RP1L1: variants seen among roughly 807,000 people sequenced by gnomAD.
The protein encoded by RP1L1 is retinitis pigmentosa 1-like 1 protein.
Under a neutral mutation model 15.7 loss-of-function variants are expected in RP1L1, and 27 were observed. The observed-to-expected ratio is 1.72, with a 90% confidence interval of 1.27 to 2.38. RP1L1 has a LOEUF of 2.38. Ranked by LOEUF, RP1L1 falls within the 30% of genes most tolerant of loss-of-function variation. The pLI, the probability that RP1L1 is intolerant of heterozygous loss-of-function variation, is 0.00. For missense variants in RP1L1, 4,798 were observed against 3,075.9 expected, an observed-to-expected ratio of 1.56 and a Z score of -13.24; for synonymous variants, 1,813 against 1,276.7, an observed-to-expected ratio of 1.42 and a Z score of -8.96.
chr8:10,654,374 C>A (rs1409750283), intron 1 of RP1L1, among the ~76,000 whole-genome samples: 1 of 152,048 alleles, frequency 6.6e-6, no homozygotes, highest in African/African-American at 2.4e-5. Context: ...ACCTTCTATG[C>A]CCCTTCCTTA....
In RP1L1 at chr8:10,623,497, C is replaced by G. The variant is rs891264082; in HGVS notation, c.-19-277G>C. ...TGTTCCCACCACATGCCTTCAGAGT[C>G]ACCATGTCCCCAGAACCACCATGAA... is the stretch of plus-strand genomic sequence containing the variant. On this transcript the variant is annotated intron_variant, in intron 1 of 3. Coordinates refer to ENST00000382483, the MANE Select transcript of RP1L1 (RefSeq NM_178857.6). 2.4e-4 allele frequency among the ~76,000 whole-genome samples: 7 copies of G among 29,770 alleles called. No homozygotes were observed. In the South Asian group the frequency reaches 3.4e-3, roughly 15 times the overall value. 19.5% of individuals were successfully genotyped at this position (29,770 alleles called of 152,430 possible). A position where few individuals can be genotyped will look rare whatever the true frequency, so the allele number is the denominator to read the frequency against.
At position 10,611,627 on chromosome 8, in the gene RP1L1, T is replaced by C. The variant is rs2117202861; in HGVS notation, c.2471A>G (p.His824Arg). 1 of 1,612,802 alleles carries C rather than the reference T, an allele frequency of 6.2e-7. No individual in the cohort carries two copies. Among genetic ancestry groups the C allele is most frequent in the Non-Finnish European group, 8.5e-7 (1 of 1,179,796 alleles). The change falls in exon 4 of 4, where the codon CAC (histidine) becomes CGC (arginine). Residue 824 changes from histidine to arginine, a missense_variant. Physicochemically the swap from His to Arg is conservative, Grantham distance 29. Transcript: ENST00000382483. ...EQGAVGPHRS[H>R]CCSQPGTQPA... Reference sequence around the variant, plus strand: ...CTGCGTCCCAGGCTGTGAGCAGCAGTGGCTTCGGTGGGGGCCCACCGCCCC... The same window carrying C: ...CTGCGTCCCAGGCTGTGAGCAGCAGCGGCTTCGGTGGGGGCCCACCGCCCC...
chr8:10,653,177 A>G (rs1798587435), intron 1 of RP1L1, among the ~76,000 whole-genome samples: 1 of 152,248 alleles, frequency 6.6e-6, no homozygotes, highest in African/African-American at 2.4e-5. Flanking sequence ...GGGAGTTCAC[A>G]GGAAAGTAAC....
chr8:10,613,364 GGAAAA>G lies in RP1L1; in HGVS notation c.752-23_752-19del. On this transcript the variant is annotated intron_variant, in intron 3 of 3. Transcript: ENST00000382483. The stretch of plus-strand genomic sequence containing the variant: ...CCAGCTCCCTGGCACGCAGTGAAGA[GGAAAA>G]GAAAAGAAGAAAAGACTGTGAGCCA... 1 of 1,599,170 alleles carries G rather than the reference GGAAAA, an allele frequency of 6.3e-7. No individual in the cohort carries two copies. Among genetic ancestry groups the G allele is most frequent in the Non-Finnish European group, 8.5e-7 (1 of 1,179,882 alleles).
At chr8:10,624,399 A>G (rs552514200) in intron 1 of RP1L1, among the ~76,000 whole-genome samples, 26 of 152,348 alleles carry the variant, frequency 1.7e-4, no homozygotes, top group African/African-American at 3.8e-4. Context: ...CACATACACC[A>G]CAATATACAC....
intron 1 of RP1L1, among the ~76,000 whole-genome samples, chr8:10,636,455 C>T (rs1444415154): frequency 2.3e-4 from 35 of 152,120 alleles, no homozygotes; most frequent in Admixed American, 2.2e-3. Flanking sequence ...TCGCATCTGC[C>T]CTGTGGGGCT....
intron 1 of RP1L1, among the ~76,000 whole-genome samples, chr8:10,634,255 A>G (rs1222531320): frequency 6.6e-6 from 1 of 152,226 alleles, no homozygotes; most frequent in Admixed American, 6.5e-5. Context: ...TGTGCCTGTC[A>G]CCCTCTTCTG....
rs866381041 is a variant in RP1L1 at position 10,633,580 on chromosome 8, G to A, written c.-19-10360C>T. The stretch of plus-strand genomic sequence containing the variant: ...AGGCGCAGGGGAGGCCGGGGAAATC[G>A]CAAACCCACTCAGAGGAGCGCAGCG... On this transcript the variant is annotated intron_variant, in intron 1 of 3. Coordinates refer to ENST00000382483, the MANE Select transcript of RP1L1 (RefSeq NM_178857.6). 3.9e-5 allele frequency among the ~76,000 whole-genome samples: 6 copies of A among 152,192 alleles called. No individual in the cohort carries two copies. In the East Asian group the frequency reaches 7.8e-4, roughly 20 times the overall value.
intron 1 of RP1L1, among the ~76,000 whole-genome samples, chr8:10,627,219 G>T (rs1364713798): frequency 1.3e-5 from 2 of 152,046 alleles, no homozygotes; most frequent in Non-Finnish European, 1.5e-5. Context: ...GTAGTCAAAG[G>T]GTAGAAACAA....
intron 1 of RP1L1, among the ~76,000 whole-genome samples, chr8:10,633,639 T>A (rs1450526300): frequency 6.6e-6 from 1 of 151,972 alleles, no homozygotes; most frequent in Non-Finnish European, 1.5e-5. Flanking sequence ...TGCTGTTCTG[T>A]GGTCATCATT....
At chr8:10,624,239 C>T (rs1310223391) in intron 1 of RP1L1, among the ~76,000 whole-genome samples, 2 of 152,364 alleles carry the variant, frequency 1.3e-5, no homozygotes, top group East Asian at 3.9e-4. Context: ...TCTATTGCAT[C>T]AGGCTCTGGG....
At chr8:10,636,331 C>A (rs1184820770) in intron 1 of RP1L1, among the ~76,000 whole-genome samples, 1 of 152,246 alleles carries the variant, frequency 6.6e-6, no homozygotes, top group Non-Finnish European at 1.5e-5. Context: ...AGGAGCCGGT[C>A]TGCAGGCGGC....
At chr8:10,632,500 C>T (rs573218603) in intron 1 of RP1L1, among the ~76,000 whole-genome samples, 24 of 152,302 alleles carry the variant, frequency 1.6e-4, no homozygotes, top group Admixed American at 1.4e-3. Flanking sequence ...CCATCTCATC[C>T]CGACTTTTTC....
chr8:10,607,032 G>A lies in RP1L1; in HGVS notation c.7066C>T (p.Pro2356Ser). 1 of 1,614,200 alleles carries A rather than the reference G, an allele frequency of 6.2e-7. No homozygotes were observed. The highest frequency in any genetic ancestry group is 2.2e-5 in the East Asian group (1 of 44,872). The stretch of plus-strand genomic sequence containing the variant: ...TGCTCTGGAGTCCTTGAGCCCAAAG[G>A]GGCCTCTTCTTGCTCAGAAGTAGAA... ...ESSTSEQEEA[P>S]LGSRTPEQGA... The change falls in exon 4 of 4, where the codon CCT becomes TCT. Residue 2356 changes from proline (P) to serine (S), a missense_variant. Pro to Ser is a moderately conservative substitution (Grantham distance 74). Coordinates refer to ENST00000382483, the MANE Select transcript of RP1L1 (RefSeq NM_178857.6).
chr8:10,622,761 A>G lies in RP1L1; in HGVS notation c.441T>C (p.Ser147=). 4 of 1,613,212 alleles carry G rather than the reference A, an allele frequency of 2.5e-6. No individual in the cohort carries two copies. Among genetic ancestry groups the G allele is most frequent in the South Asian group, 2.2e-5 (2 of 91,022 alleles). ...EAPGTSSSRK[S]LKTPRRILLI... is the part of the protein sequence containing the mutation. The stretch of plus-strand genomic sequence containing the variant: ...GCAGTATCCTCCGGGGGGTTTTAAG[A>G]CTCTTCCGGGAGGAGGAGGTGCCTG... Residue 147 remains serine, a synonymous_variant, in exon 2 of 4, where the codon AGT becomes AGC. Transcript: ENST00000382483.
In RP1L1 at chr8:10,610,832, A is replaced by T; in HGVS notation, c.3266T>A (p.Leu1089Gln). The T allele has an allele frequency of 3.1e-6, 5 of 1,607,700 alleles. No homozygotes were observed. Among genetic ancestry groups the T allele is most frequent in the Non-Finnish European group, 4.3e-6 (5 of 1,176,256 alleles). ...VSASTQIMRA[L>Q]MGSKQGRPSS... is the part of the protein sequence containing the mutation. ...GGGCCGGCCCTGCTTGGAGCCCATC[A>T]GCGCCCTCATGATCTGCGTGGAGGC... The change falls in exon 4 of 4, where the codon CTG (leucine) becomes CAG (glutamine). Residue 1089 changes from leucine (L) to glutamine (Q), a missense_variant. Coordinates refer to ENST00000382483, the MANE Select transcript of RP1L1 (RefSeq NM_178857.6).
rs779738385 is a variant in RP1L1 at position 10,608,667 on chromosome 8, C to T, written c.5431G>A (p.Glu1811Lys). The change falls in exon 4 of 4, where the codon GAG (glutamate) becomes AAG (lysine). Residue 1811 changes from glutamate (E) to lysine (K), a missense_variant. Glu to Lys is a moderately conservative substitution (Grantham distance 56, BLOSUM62 1). Coordinates refer to ENST00000382483, the MANE Select transcript of RP1L1 (RefSeq NM_178857.6). ...GCAGCTTCACCCTGCAAGTTGTCCT[C>T]ATGCCCAGAGCCTTGACCCCCAGTT... ...GETGGQGSGHEDNLQGEAAAG... is the reference protein window; with the variant it reads ...GETGGQGSGHKDNLQGEAAAG... The T allele has an allele frequency of 2.5e-6, 4 of 1,614,108 alleles. No individual in the cohort carries two copies. The African/African-American group carries it at 4.0e-5, about 16-fold the overall frequency.
chr8:10,628,963 G>C (rs1264752054), intron 1 of RP1L1, among the ~76,000 whole-genome samples: 2 of 152,234 alleles, frequency 1.3e-5, no homozygotes, highest in African/African-American at 4.8e-5. Flanking sequence ...AGCGGGATGT[G>C]CAGCCTCGTC....
intron 1 of RP1L1, among the ~76,000 whole-genome samples, chr8:10,638,950 G>C (rs759537519): frequency 6.6e-6 from 1 of 152,106 alleles, no homozygotes; most frequent in Non-Finnish European, 1.5e-5. Flanking sequence ...TTCGAGACCA[G>C]CCTGGCCAAC....
Sources: allele counts gnomAD v4.1 joint callset (sites outside exome capture counted in the v4.1 genomes callset), GRCh38; gene constraint gnomAD v4.1.1; transcripts MANE v1.5; gene names NCBI Gene and HGNC (gene_info 2026-07-23, HGNC 2026-07-21).